The following SNX6 variants were observed in gnomAD, a reference collection of about 807,000 sequenced individuals.
SNX6 encodes the protein sorting nexin-6.
Under a neutral mutation model 63.0 loss-of-function variants are expected in SNX6, and 34 were observed. The observed-to-expected ratio is 0.54, with a 90% CI of 0.41 to 0.72. The LOEUF is 0.72. Ranked by LOEUF, SNX6 falls within the 30% of genes least tolerant of loss-of-function variation. SNX6 has a pLI of 0.00. For synonymous variants in SNX6, 170 were observed against 164.2 expected, an observed-to-expected ratio of 1.04 and a Z score of -0.27; for missense variants, 398 against 471.4, an observed-to-expected ratio of 0.84 and a Z score of 1.44.
At position 34,593,071 on chromosome 14, in the gene SNX6, G is replaced by C. The variant is rs1207203387; in HGVS notation, c.692C>G (p.Ser231Cys). The change falls in exon 8 of 14, where the codon TCT becomes TGT. Residue 231 changes from serine to cysteine, a missense_variant. By Grantham distance (112) the Ser-to-Cys change is moderately radical. Coordinates refer to ENST00000362031, the MANE Select transcript of SNX6 (RefSeq NM_152233.4). ...HNRVKDASAK[S>C]DRMTRSHKSA... Reference sequence around the variant, plus strand: ...TTTGTGGGATCTTGTCATTCTATCAGATTTAGCAGATGCATCCTTAACTCG... The same window carrying C: ...TTTGTGGGATCTTGTCATTCTATCACATTTAGCAGATGCATCCTTAACTCG... 6.2e-7 allele frequency: 1 copy of C among 1,603,348 alleles called. No individual in the cohort carries two copies. The highest frequency in any genetic ancestry group is 1.8e-5 in the Admixed American group (1 of 56,812).
intron 10 of SNX6, among the ~76,000 whole-genome samples, chr14:34,578,556 G>T (rs1881801029): frequency 6.6e-6 from 1 of 150,924 alleles, no homozygotes; most frequent in African/African-American, 2.4e-5. Flanking sequence ...CTTGAACCCG[G>T]GATGTGGAGG....
intron 2 of SNX6, among the ~76,000 whole-genome samples, chr14:34,613,909 C>T (rs1209127190): frequency 1.3e-5 from 2 of 151,712 alleles, no homozygotes; most frequent in African/African-American, 4.8e-5. Context: ...GAGTTCAAGA[C>T]CAATGTGGCC....
chr14:34,622,396 C>A (rs1320106543), intron 2 of SNX6, among the ~76,000 whole-genome samples: 3 of 151,356 alleles, frequency 2.0e-5, no homozygotes, highest in Non-Finnish European at 2.9e-5. Context: ...CTGGCTAACA[C>A]CGTGAAACCC....
chr14:34,580,946 T>G (rs1372444741), intron 10 of SNX6, among the ~76,000 whole-genome samples: 1 of 151,890 alleles, frequency 6.6e-6, no homozygotes, highest in Non-Finnish European at 1.5e-5. Flanking sequence ...GTTAAGTCAC[T>G]GCACACAGAA....
At chr14:34,615,601 T>C (rs1219704314) in intron 2 of SNX6, among the ~76,000 whole-genome samples, 1 of 152,140 alleles carries the variant, frequency 6.6e-6, no homozygotes, top group Non-Finnish European at 1.5e-5. Flanking sequence ...AATCTACCAT[T>C]TGTCTTCTCC....
chr14:34,629,088 T>C (rs1883937387), intron 2 of SNX6, among the ~76,000 whole-genome samples: 1 of 151,662 alleles, frequency 6.6e-6, no homozygotes, highest in Non-Finnish European at 1.5e-5. Context: ...AGCGTCGATG[T>C]TGGTCAAAGG....
intron 9 of SNX6, among the ~76,000 whole-genome samples, chr14:34,583,125 T>C (rs1335073375): frequency 6.6e-6 from 1 of 151,986 alleles, no homozygotes; most frequent in Non-Finnish European, 1.5e-5. Flanking sequence ...GGTAACATGG[T>C]GAAACACTGT....
chr14:34,579,088 T>C (rs1041294607), intron 10 of SNX6, among the ~76,000 whole-genome samples: 34 of 151,878 alleles, frequency 2.2e-4, no homozygotes, highest in African/African-American at 7.2e-4. Flanking sequence ...GGCATGCAAA[T>C]TGGTACAATC....
In SNX6 at chr14:34,629,913, G is replaced by C; in HGVS notation, c.48C>G (p.Asp16Glu). ...DDGPDFLSEE[D>E]RGLKAINVDL... ...AAAGGAAGGCAGAACTTACTCCGCG[G>C]TCCTCTTCTGAGAGGAAGTCCGGGC... Residue 16 changes from aspartate (D) to glutamate (E), a missense_variant, in exon 2 of 14, where the codon GAC (aspartate) becomes GAG (glutamate). Coordinates refer to ENST00000362031, the MANE Select transcript of SNX6 (RefSeq NM_152233.4). The C allele has an allele frequency of 1.3e-6, 2 of 1,556,126 alleles. No individual in the cohort carries two copies. The highest frequency in any genetic ancestry group is 1.2e-5 in the South Asian group (1 of 83,984).
At chr14:34,574,199 G>A (rs1010671255) in intron 11 of SNX6, among the ~76,000 whole-genome samples, 5 of 151,506 alleles carry the variant, frequency 3.3e-5, no homozygotes, top group South Asian at 2.1e-4. Flanking sequence ...AGCCAGGCGC[G>A]GTGGCGGGCA....
chr14:34,590,091 C>T (rs879639773), intron 8 of SNX6, among the ~76,000 whole-genome samples: 1 of 151,904 alleles, frequency 6.6e-6, no homozygotes, highest in Non-Finnish European at 1.5e-5. Context: ...GGTGACAGAG[C>T]GAGACCCTGT....
At chr14:34,586,594 GC>G (rs1219460109) in intron 8 of SNX6, among the ~76,000 whole-genome samples, 1 of 152,172 alleles carries the variant, frequency 6.6e-6, no homozygotes, top group East Asian at 1.9e-4. Context: ...TGTAATCCCA[GC>G]TACTCGGGAG....
intron 7 of SNX6, among the ~76,000 whole-genome samples, chr14:34,593,429 T>G (rs1882476131): frequency 6.6e-6 from 1 of 151,646 alleles, no homozygotes; most frequent in Non-Finnish European, 1.5e-5. Context: ...AGATGGAGTC[T>G]CACTCTGTCA....
intron 9 of SNX6, among the ~76,000 whole-genome samples, chr14:34,584,848 TTTC>T (rs1164308011): frequency 2.6e-5 from 4 of 151,886 alleles, no homozygotes; most frequent in African/African-American, 4.8e-5. Flanking sequence ...ACCCAAGTTT[TTTC>T]TTTTTTCTTT....
chr14:34,564,736 A>T (rs1881092438), intron 13 of SNX6, among the ~76,000 whole-genome samples: 1 of 151,608 alleles, frequency 6.6e-6, no homozygotes, highest in Admixed American at 6.6e-5. Context: ...CTGAGGCAGG[A>T]GAATTGCTTG....
In SNX6 at chr14:34,574,213, G is replaced by A. The variant is rs375756130; in HGVS notation, c.921+1543C>T. ...TAGCCAGGCGCGGTGGCGGGCACCT[G>A]TAATCCCAGCTACTTGGGAGGCTGA... On this transcript the variant is annotated intron_variant, in intron 11 of 13. Coordinates refer to ENST00000362031, the MANE Select transcript of SNX6 (RefSeq NM_152233.4). Among the ~76,000 whole-genome samples the A allele has an allele frequency of 4.6e-5, 7 of 151,530 alleles. No individual in the cohort carries two copies. In the East Asian group the frequency reaches 9.8e-4, roughly 21 times the overall value.
intron 10 of SNX6, among the ~76,000 whole-genome samples, chr14:34,579,885 A>C (rs998237179): frequency 6.6e-6 from 1 of 151,984 alleles, no homozygotes; most frequent in African/African-American, 2.4e-5. Flanking sequence ...ATTATATATA[A>C]AAATAAAAAA....
At chr14:34,587,567 C>G (rs1882225053) in intron 8 of SNX6, among the ~76,000 whole-genome samples, 1 of 137,890 alleles carries the variant, frequency 7.3e-6, no homozygotes, top group Non-Finnish European at 1.5e-5. Flanking sequence ...AAAAGGGCAT[C>G]TAAGATTTTG....
chr14:34,609,628 T>C lies in SNX6; in HGVS notation c.159+10A>G, dbSNP rs1453714752. The C allele has an allele frequency of 6.4e-7, 1 of 1,558,718 alleles. No individual in the cohort carries two copies. Among genetic ancestry groups the C allele is most frequent in the Non-Finnish European group, 8.8e-7 (1 of 1,134,552 alleles). The stretch of plus-strand genomic sequence containing the variant: ...GGCTAAAATAATAGAAAGTACAAAA[T>C]CACATTTACCTTTGTGTGAACAGTG... On this transcript the variant is annotated intron_variant, in intron 3 of 13. Coordinates refer to ENST00000362031, the MANE Select transcript of SNX6 (RefSeq NM_152233.4).
Sources: allele counts gnomAD v4.1 joint callset (sites outside exome capture counted in the v4.1 genomes callset), GRCh38; gene constraint gnomAD v4.1.1; transcripts MANE v1.5; gene names NCBI Gene and HGNC (gene_info 2026-07-23, HGNC 2026-07-21).